RPS6KA6: variants seen among roughly 807,000 people sequenced by gnomAD.
RPS6KA6 encodes the protein ribosomal protein S6 kinase A6.
A neutral mutation model predicts 65.4 loss-of-function variants in RPS6KA6; 27 were observed. The ratio of observed to expected loss-of-function variants is 0.41; its 90% CI spans 0.30 to 0.57. RPS6KA6 has a LOEUF of 0.57. RPS6KA6 is among the 20% of genes least tolerant of loss of function. The pLI is 0.24. For synonymous variants in RPS6KA6, 190 were observed against 184.2 expected (o/e 1.03, Z -0.26); for missense variants, 486 against 555.6 (o/e 0.87, Z 1.26).
chrX:84,066,406 C>T (rs764414054), intron 20 of RPS6KA6, among the ~76,000 whole-genome samples: 21 of 105,745 alleles, frequency 2.0e-4, no homozygotes, highest in Admixed American at 8.3e-4. Context: ...CAAACTGCGA[C>T]AACTGAACTT....
chrX:84,187,264 G>A (rs2035938904), intron 1 of RPS6KA6: 1 of 111,733 alleles, frequency 8.9e-6, no homozygotes, highest in Non-Finnish European at 1.9e-5. Flanking sequence ...CTCGACATGG[G>A]TCATTACAAG....
chrX:84,119,557 G>C (rs2034629895), intron 9 of RPS6KA6, among the ~76,000 whole-genome samples: 1 of 111,396 alleles, frequency 9.0e-6, no homozygotes, highest in African/African-American at 3.3e-5. Flanking sequence ...GCTAAGTTCT[G>C]TAACATTCAA....
chrX:84,119,978 T>C lies in RPS6KA6; in HGVS notation c.696A>G (p.Ser232=), dbSNP rs1602426535. Residue 232 remains serine, a synonymous_variant, in exon 9 of 22, where the codon TCA becomes TCG. Transcript: ENST00000262752. ...CCATATACTCTACTGTACCACAAAA[T>C]GAGTAAGCCTTCTTTTCTTGATCTA... is the stretch of plus-strand genomic sequence containing the variant. ...ESVDQEKKAY[S]FCGTVEYMAP... is the part of the protein sequence containing the mutation. 6 of 1,193,613 alleles carry C rather than the reference T, an allele frequency of 5.0e-6. No homozygotes were observed. In the East Asian group the frequency reaches 1.8e-4, roughly 36 times the overall value.
At position 84,061,354 on chromosome X, in the gene RPS6KA6, T is replaced by G. The variant is rs958827081; in HGVS notation, c.*2923A>C. ...TCTGTTCTTAAGGTTGTGGGTTGCC[T>G]AAACATATGGAATCCCTTTGAGCCA... On this transcript the variant is annotated 3_prime_UTR_variant, in exon 22 of 22. Coordinates refer to ENST00000262752, the MANE Select transcript of RPS6KA6 (RefSeq NM_014496.5). The G allele has an allele frequency of 8.9e-6, 1 of 112,193 alleles. No homozygotes were observed. Among genetic ancestry groups the G allele is most frequent in the Non-Finnish European group, 1.9e-5 (1 of 53,131 alleles). The allele number at this position is 112,193 out of a possible 1,213,427, so 9.2% of individuals were successfully genotyped here. A position where few individuals can be genotyped will look rare whatever the true frequency, so the allele number is the denominator to read the frequency against.
chrX:84,093,553 C>T (rs2034090961), intron 20 of RPS6KA6, among the ~76,000 whole-genome samples: 1 of 111,718 alleles, frequency 9.0e-6, no homozygotes, highest in Non-Finnish European at 1.9e-5. Context: ...AGAAGTTTTC[C>T]AGATTACCAG....
rs2033298349 is a variant in RPS6KA6, at chrX:84,061,309, G to C, written c.*2968C>G. 2 of 112,067 alleles carry C rather than the reference G, an allele frequency of 1.8e-5. No individual in the cohort carries two copies. Among genetic ancestry groups the C allele is most frequent in the African/African-American group, 6.5e-5 (2 of 30,839 alleles). The allele number at this position is 112,067 out of a possible 1,213,427, so 9.2% of individuals were successfully genotyped here. On this transcript the variant is annotated 3_prime_UTR_variant, in exon 22 of 22. Coordinates refer to ENST00000262752, the MANE Select transcript of RPS6KA6 (RefSeq NM_014496.5). Reference sequence around the variant, plus strand: ...TTTTAACATGTTGTTCCAATGGGCAGACATTATAAATACCAAGCATCTGTT... The same window carrying C: ...TTTTAACATGTTGTTCCAATGGGCACACATTATAAATACCAAGCATCTGTT...
At chrX:84,080,080 G>T (rs937777936) in intron 20 of RPS6KA6, among the ~76,000 whole-genome samples, 3 of 110,319 alleles carry the variant, frequency 2.7e-5, no homozygotes, top group African/African-American at 6.6e-5. Flanking sequence ...GGAGAGCTCT[G>T]GCTGGCATCT....
chrX:84,104,534 T>A lies in RPS6KA6; in HGVS notation c.1579A>T (p.Ile527Leu), dbSNP rs772609371. 1.0e-5 allele frequency: 12 copies of A among 1,167,272 alleles called. No homozygotes were observed. The Admixed American group carries it at 3.0e-4, about 29-fold the overall frequency. Residue 527 changes from isoleucine to leucine, a missense_variant, in exon 17 of 22, where the codon ATA becomes TTA. Ile to Leu is a conservative substitution (Grantham distance 5). Around this residue, in one of 3 missense-constraint regions of RPS6KA6, gnomAD observed 345 missense variants for 375.0 expected, o/e 0.92. Coordinates refer to ENST00000262752, the MANE Select transcript of RPS6KA6 (RefSeq NM_014496.5). ...TGAAGATAGTCAACTGTCTTACTTA[T>A]TACATATAGTATATCACTAGCCTCC... ...EREASDILYV[I>L]SKTVDYLHCQ...
At chrX:84,116,422 T>C in intron 11 of RPS6KA6, 135 bp from the exon 12 acceptor site, 1 of 349,051 alleles carries the variant, frequency 2.9e-6, no homozygotes, top group East Asian at 4.8e-5. Flanking sequence ...TGATTTCTTA[T>C]CTGGCATTTT....
intron 1 of RPS6KA6, among the ~76,000 whole-genome samples, chrX:84,171,192 C>G: frequency 9.0e-6 from 1 of 110,894 alleles, no homozygotes; most frequent in Non-Finnish European, 1.9e-5. Context: ...TTGTGGGAAT[C>G]GAAGCAGAGG....
chrX:84,134,681 C>G, intron 8 of RPS6KA6, 101 bp downstream of exon 8: 2 of 512,818 alleles, frequency 3.9e-6, no homozygotes, highest in South Asian at 7.4e-5. Context: ...AATTGCAAAT[C>G]AAATTCAGAA....
At chrX:84,070,683 A>ATTC (rs1180921760) in intron 20 of RPS6KA6, among the ~76,000 whole-genome samples, 2 of 111,766 alleles carry the variant, frequency 1.8e-5, no homozygotes, top group East Asian at 5.6e-4. Flanking sequence ...GAATAACGTA[A>ATTC]TTGGTTGAAA....
chrX:84,063,990 C>T lies in RPS6KA6; in HGVS notation c.*287G>A. 4.7e-6 allele frequency: 1 copy of T among 210,693 alleles called. No individual in the cohort carries two copies. The allele number at this position is 210,693 out of a possible 1,213,427, so 17.4% of individuals were successfully genotyped here. A position where few individuals can be genotyped will look rare whatever the true frequency, so the allele number is the denominator to read the frequency against. ...AACAAGAAAAAAAATATTAAAGTAACTTTATTTGAAAGGAATTTTAGAAGC... is the reference window on the plus strand; with the variant it reads ...AACAAGAAAAAAAATATTAAAGTAATTTTATTTGAAAGGAATTTTAGAAGC... On this transcript the variant is annotated 3_prime_UTR_variant, in exon 22 of 22. Coordinates refer to ENST00000262752, the MANE Select transcript of RPS6KA6 (RefSeq NM_014496.5).
At chrX:84,129,816 A>T (rs1245459149) in intron 8 of RPS6KA6, among the ~76,000 whole-genome samples, 2 of 111,262 alleles carry the variant, frequency 1.8e-5, no homozygotes, top group Non-Finnish European at 3.8e-5. Flanking sequence ...ATGGAAATAG[A>T]GTAGAAGGAT....
intron 20 of RPS6KA6, among the ~76,000 whole-genome samples, chrX:84,072,066 T>C (rs919479767): frequency 1.9e-4 from 21 of 111,630 alleles, no homozygotes; most frequent in African/African-American, 6.8e-4. Flanking sequence ...GCCAAACTCA[T>C]TGTATGAAGC....
chrX:84,102,978 T>A (rs2034287175), intron 17 of RPS6KA6, among the ~76,000 whole-genome samples: 1 of 111,086 alleles, frequency 9.0e-6, no homozygotes, highest in African/African-American at 3.3e-5. Context: ...TAAAGACAAA[T>A]AATATGAACA....
chrX:84,173,609 C>T (rs1569244466), intron 1 of RPS6KA6, among the ~76,000 whole-genome samples: 1 of 112,450 alleles, frequency 8.9e-6, no homozygotes, highest in Non-Finnish European at 1.9e-5. Context: ...ACTGCCATAT[C>T]ACTATCATAA....
chrX:84,164,513 G>A (rs1261204843), intron 1 of RPS6KA6, 126 bp from the exon 2 acceptor site: 3 of 456,273 alleles, frequency 6.6e-6, no homozygotes, highest in East Asian at 3.9e-5. Context: ...AAAAACAAAA[G>A]GACAAAGGAC....
chrX:84,073,235 CAACT>C (rs909553994), intron 20 of RPS6KA6, among the ~76,000 whole-genome samples: 4 of 111,259 alleles, frequency 3.6e-5, no homozygotes, highest in Non-Finnish European at 7.6e-5. Context: ...CTCTTACAAC[CAACT>C]GATTTTCAAT....
Sources: allele counts gnomAD v4.1 joint callset (sites outside exome capture counted in the v4.1 genomes callset), GRCh38; gene constraint gnomAD v4.1.1; regional missense constraint gnomAD v4.1.1; transcripts MANE v1.5; gene names NCBI Gene and HGNC (gene_info 2026-07-23, HGNC 2026-07-21).